Variants in RNF213 observed in about 807,000 individuals in gnomAD.
RNF213 encodes the protein ring finger protein 213, also known as E3 ubiquitin-protein ligase RNF213.
RNF213 carries 341 observed loss-of-function variants against 514.4 expected under a neutral mutation model. The ratio of observed to expected loss-of-function variants is 0.66; its 90% confidence interval spans 0.61 to 0.73. RNF213 has a LOEUF of 0.73. Ranked by LOEUF, RNF213 falls within the 30% of genes least tolerant of loss-of-function variation. The pLI is 0.00. For missense variants in RNF213, 5,767 were observed against 6,615.6 expected (o/e 0.87, Z 4.45); for synonymous variants, 2,655 against 2,658.2 (o/e 1.00, Z 0.04).
At position 80,379,720 on chromosome 17, in the gene RNF213, T is replaced by G; in HGVS notation, c.13640+6T>G. On this transcript the variant is annotated splice_donor_region_variant and intron_variant, in intron 55 of 67. Transcript: ENST00000582970. ...GACGGCTTTCATCTGGTCAAGTATG[T>G]GGGTCAGGATTCTATTTCCTAAGTA... The G allele has an allele frequency of 6.2e-7, 1 of 1,612,816 alleles. No homozygotes were observed. Among genetic ancestry groups the G allele is most frequent in the Non-Finnish European group, 8.5e-7 (1 of 1,178,780 alleles).
At chr17:80,383,964 G>A (rs778880312) in intron 59 of RNF213, 36 bp downstream of exon 59, 60 of 1,613,756 alleles carry the variant, frequency 3.7e-5, no homozygotes, top group Middle Eastern at 1.7e-4. Context: ...TCCCTCTTTC[G>A]GTGCAGAGTT....
At chr17:80,296,086 C>T (rs1379749708) in intron 10 of RNF213, among the ~76,000 whole-genome samples, 2 of 152,210 alleles carry the variant, frequency 1.3e-5, no homozygotes, top group South Asian at 2.1e-4. Flanking sequence ...GTGGCGCAAT[C>T]TTGGCTCACT....
At chr17:80,379,596 T>C (rs1206914713) in intron 54 of RNF213, 24 bp from the exon 55 acceptor site, 1 of 1,608,166 alleles carries the variant, frequency 6.2e-7, no homozygotes, top group South Asian at 1.1e-5. Context: ...CAGAAGTGGT[T>C]CTAGTGCCCT....
rs1427755491 is a variant in RNF213 at position 80,345,720 on chromosome 17, C to T, written c.7385C>T (p.Ser2462Phe). Residue 2462 changes from serine (S) to phenylalanine (F), a missense_variant, in exon 29 of 68, where the codon TCC becomes TTC. Around this residue, in one of 13 missense-constraint regions of RNF213, gnomAD observed 1,377 missense variants for 1,635.2 expected, o/e 0.84. Transcript: ENST00000582970. This position sits in a 1 kb window ranked among gnomAD's most constrained non-coding sequence, Gnocchi z 6.0. ...HGGTTADMIYSRVREAENVAF... is the reference protein window; with the variant it reads ...HGGTTADMIYFRVREAENVAF... The stretch of plus-strand genomic sequence containing the variant: ...GGAACAACTGCAGACATGATCTACT[C>T]CAGAGTCAGGGAGGCTGAAAATGTG... The T allele has an allele frequency of 1.9e-6, 3 of 1,614,210 alleles. No homozygotes were observed. Among genetic ancestry groups the T allele is most frequent in the Non-Finnish European group, 2.5e-6 (3 of 1,180,046 alleles).
Position 80,309,078 on chromosome 17 carries a change from C to A in RNF213, c.2562C>A (p.Ala854=), listed in dbSNP as rs781585780. The change falls in exon 14 of 68, where the codon GCC becomes GCA. Residue 854 remains alanine (A), a synonymous_variant. Coordinates refer to ENST00000582970, the MANE Select transcript of RNF213 (RefSeq NM_001256071.3). ...CTGTGTGTCTGAAACTGCATGAAGC[C>A]ATCTGCAGCAGCACAAAGCTACTTA... is the stretch of plus-strand genomic sequence containing the variant. The part of the protein sequence containing the change: ...YLTVCLKLHE[A]ICSSTKLLKF... 7 of 1,614,042 alleles carry A rather than the reference C, an allele frequency of 4.3e-6. 1 individual carries two copies. In the South Asian group the frequency reaches 6.6e-5, roughly 15 times the overall value.
chr17:80,309,454 G>A (rs1358147677), intron 14 of RNF213, among the ~76,000 whole-genome samples: 1 of 152,196 alleles, frequency 6.6e-6, no homozygotes, highest in African/African-American at 2.4e-5. Flanking sequence ...AAACCAGAGA[G>A]CTGGCGCAGG....
chr17:80,327,965 C>A lies in RNF213; in HGVS notation c.3343C>A (p.Gln1115Lys). 6.5e-7 allele frequency: 1 copy of A among 1,537,242 alleles called. No individual in the cohort carries two copies. The highest frequency in any genetic ancestry group is 8.7e-7 in the Non-Finnish European group (1 of 1,146,908). ...GGAGCTGATTATAAAGCACAAGAATCAGTTTCTTGACATCTGGCAACTGAG... is the reference window on the plus strand; with the variant it reads ...GGAGCTGATTATAAAGCACAAGAATAAGTTTCTTGACATCTGGCAACTGAG... ...QLELIIKHKN[Q>K]FLDIWQLREK... is the part of the protein sequence containing the mutation. The change falls in exon 19 of 68, where the codon CAG becomes AAG. Residue 1115 changes from glutamine (Q) to lysine (K), a missense_variant. Physicochemically the swap from Gln to Lys is moderately conservative, Grantham distance 53 (BLOSUM62 1). Coordinates refer to ENST00000582970, the MANE Select transcript of RNF213 (RefSeq NM_001256071.3).
At chr17:80,389,044 G>A in intron 64 of RNF213, 129 bp from the exon 65 acceptor site, 2 of 859,532 alleles carry the variant, frequency 2.3e-6, no homozygotes, top group South Asian at 1.5e-5. Flanking sequence ...GTGCGCCCAA[G>A]TGTCAGCTGT....
intron 67 of RNF213, among the ~76,000 whole-genome samples, chr17:80,392,730 C>T (rs1350555351): frequency 6.6e-6 from 1 of 151,612 alleles, no homozygotes; most frequent in Non-Finnish European, 1.5e-5. Flanking sequence ...GCTGGGATTA[C>T]AGGCACCCAC....
Position 80,337,917 on chromosome 17 carries a change from G to T in RNF213, c.4753G>T (p.Val1585Leu), listed in dbSNP as rs1170752314. ...EESREYSLEEVKELLNKLMLM... is the reference protein window; with the variant it reads ...EESREYSLEELKELLNKLMLM... ...GTCACGAGAGTACTCTTTAGAGGAGGTGAAGGAGCTTTTGAACAAGTTGAT... is the reference window on the plus strand; with the variant it reads ...GTCACGAGAGTACTCTTTAGAGGAGTTGAAGGAGCTTTTGAACAAGTTGAT... The change falls in exon 25 of 68, where the codon GTG becomes TTG. Residue 1585 changes from valine to leucine, a missense_variant. Physicochemically the swap from Val to Leu is conservative, Grantham distance 32 (BLOSUM62 1). Around this residue, in one of 13 missense-constraint regions of RNF213, gnomAD observed 1,377 missense variants for 1,635.2 expected, o/e 0.84. Coordinates refer to ENST00000582970, the MANE Select transcript of RNF213 (RefSeq NM_001256071.3). The T allele has an allele frequency of 1.3e-6, 2 of 1,537,308 alleles. No homozygotes were observed. The highest frequency in any genetic ancestry group is 2.4e-5 in the East Asian group (1 of 40,924).
At position 80,372,076 on chromosome 17, in the gene RNF213, A is replaced by T; in HGVS notation, c.12537+91A>T. The T allele has an allele frequency of 6.3e-6, 5 of 795,954 alleles. No homozygotes were observed. In the South Asian group the frequency reaches 7.0e-5, roughly 11 times the overall value. 49.3% of individuals were successfully genotyped at this position (795,954 alleles called of 1,614,324 possible). A position where few individuals can be genotyped will look rare whatever the true frequency, so the allele number is the denominator to read the frequency against. On this transcript the variant is annotated intron_variant, in intron 47 of 67. Transcript: ENST00000582970. ...ACAGAATATAATTTTAGTCAGTATA[A>T]TTAACGAATGCTCTGTTCCGTGCAG...
chr17:80,393,727 A>G lies in RNF213; in HGVS notation c.*229A>G, dbSNP rs2080575758. On this transcript the variant is annotated 3_prime_UTR_variant, in exon 68 of 68. Transcript: ENST00000582970. Reference sequence around the variant, plus strand: ...TCTGAAACTTTCTCATCATTTTATGAGTACTGTTCATTGAGAGATGACAAT... The same window carrying G: ...TCTGAAACTTTCTCATCATTTTATGGGTACTGTTCATTGAGAGATGACAAT... 1 of 522,390 alleles carries G rather than the reference A, an allele frequency of 1.9e-6. No individual in the cohort carries two copies. The highest frequency in any genetic ancestry group is 3.5e-6 in the Non-Finnish European group (1 of 287,316). The allele number at this position is 522,390 out of a possible 1,614,324, so 32.4% of individuals were successfully genotyped here.
At chr17:80,330,819 G>A (rs150390257) in intron 20 of RNF213, among the ~76,000 whole-genome samples, 13 of 152,252 alleles carry the variant, frequency 8.5e-5, no homozygotes, top group African/African-American at 3.1e-4. Flanking sequence ...GTGCTGGATG[G>A]ACCATGTCTT....
In RNF213 at chr17:80,353,925, T is replaced by C; in HGVS notation, c.10579-94T>C. 1 of 1,515,420 alleles carries C rather than the reference T, an allele frequency of 6.6e-7. No individual in the cohort carries two copies. Among genetic ancestry groups the C allele is most frequent in the South Asian group, 1.1e-5 (1 of 87,428 alleles). 93.9% of individuals were successfully genotyped at this position (1,515,420 alleles called of 1,614,324 possible). A position where few individuals can be genotyped will look rare whatever the true frequency, so the allele number is the denominator to read the frequency against. ...GTGAGGACCGCCGCCCTGTGCTGTT[T>C]GCTGCATTGAGACCCTCATCGCATA... On this transcript the variant is annotated intron_variant, in intron 34 of 67. Transcript: ENST00000582970. The surrounding 1 kb of genome is among the most constrained non-coding windows in gnomAD (Gnocchi z 5.0).
intron 23 of RNF213, 67 bp from the exon 24 acceptor site, chr17:80,337,519 A>G (rs1335222687): frequency 5.3e-6 from 8 of 1,516,434 alleles, no homozygotes; most frequent in Non-Finnish European, 7.1e-6. Context: ...GAGGCCGACC[A>G]CAGGAGGGAG....
intron 2 of RNF213, 41 bp from the exon 3 acceptor site, chr17:80,273,200 T>C (rs1235396079): frequency 6.2e-7 from 1 of 1,611,916 alleles, no homozygotes; most frequent in Non-Finnish European, 8.5e-7. Flanking sequence ...TAACACTCGC[T>C]TCTCTCTGAG....
In RNF213 at chr17:80,354,024, G is replaced by C. The variant is rs764586150; in HGVS notation, c.10584G>C (p.Ser3528=). 2 of 1,613,804 alleles carry C rather than the reference G, an allele frequency of 1.2e-6. No homozygotes were observed. The highest frequency in any genetic ancestry group is 4.5e-5 in the East Asian group (2 of 44,882). Residue 3528 remains serine (S), a synonymous_variant, in exon 35 of 68, where the codon TCG becomes TCC. Transcript: ENST00000582970. ...CCAACCGTCTCCACCAACAGGTGTC[G>C]ATCCTGGACACCACCAGGCTGCTGA... ...ETSELGGSDV[S]ILDTTRLLRS...
intron 25 of RNF213, among the ~76,000 whole-genome samples, chr17:80,338,958 TAA>T (rs60333843): frequency 2.1e-5 from 3 of 143,118 alleles, no homozygotes; most frequent in African/African-American, 5.1e-5. Flanking sequence ...AAAAAAAAAT[TAA>T]AAAAAAAAAA....
intron 10 of RNF213, among the ~76,000 whole-genome samples, chr17:80,297,703 C>T (rs578205638): frequency 1.3e-5 from 2 of 150,642 alleles, no homozygotes; most frequent in Admixed American, 1.3e-4. Context: ...AGGAGAATGG[C>T]GTGAACCCGA....
Sources: allele counts gnomAD v4.1 joint callset (sites outside exome capture counted in the v4.1 genomes callset), GRCh38; gene constraint gnomAD v4.1.1; regional missense constraint gnomAD v4.1.1; non-coding constraint Gnocchi (gnomAD v3.1); transcripts MANE v1.5; gene names NCBI Gene and HGNC (gene_info 2026-07-23, HGNC 2026-07-21).